NSUN4: variants seen among roughly 807,000 people sequenced by gnomAD.
The protein encoded by NSUN4 is 5-cytosine rRNA methyltransferase NSUN4.
A neutral mutation model predicts 43.8 loss-of-function variants in NSUN4; 31 were observed. The observed-to-expected ratio is 0.71, with a 90% CI of 0.53 to 0.96. The LOEUF (loss-of-function observed/expected upper bound fraction) is 0.96. NSUN4 is among the 40% of genes least tolerant of loss of function. NSUN4 has a pLI of 0.00. For missense variants in NSUN4, 439 were observed against 475.6 expected (o/e 0.92, Z 0.72); for synonymous variants, 167 against 184.1 (o/e 0.91, Z 0.75).
At chr1:46,352,807 C>T (rs7515598) in intron 3 of NSUN4, 61 bp from the exon 4 acceptor site, 392,786 of 1,534,442 alleles carry the variant, frequency 0.26, 54,458 homozygotes, top group Non-Finnish European at 0.29. Context: ...ACTCCATCAG[C>T]GCCATTGCTG....
At chr1:46,382,184 A>G in the NSUN4 span, among the ~76,000 whole-genome samples, 1 of 152,234 alleles carries the variant, frequency 6.6e-6, no homozygotes, top group Non-Finnish European at 1.5e-5. Flanking sequence ...TCAGAGACGT[A>G]AAAACAACCA....
At chr1:46,383,495 G>C in the NSUN4 span, among the ~76,000 whole-genome samples, 326 of 132,654 alleles carry the variant, frequency 2.5e-3, 7 homozygotes, top group East Asian at 0.061. Flanking sequence ...TCGCTCTGTC[G>C]CCCAGGCTGG....
At chr1:46,369,210 A>G (rs1445874145), downstream of NSUN4, among the ~76,000 whole-genome samples, 1 of 152,218 alleles carries the variant, frequency 6.6e-6, no homozygotes, top group African/African-American at 2.4e-5. Context: ...CAATGAATAT[A>G]GCACTTTCCA....
intron 1 of NSUN4, chr1:46,343,541 G>T (rs1355195263): frequency 2.5e-5 from 10 of 399,988 alleles, no homozygotes; most frequent in Non-Finnish European, 4.4e-5. Context: ...GCGAGAGCAG[G>T]AGTTCCCACC....
chr1:46,344,427 A>C, intron 1 of NSUN4: 1 of 218,280 alleles, frequency 4.6e-6, no homozygotes, highest in Non-Finnish European at 9.0e-6. Context: ...TGTTCAGAAG[A>C]AAAGGGCCTT....
intron 4 of NSUN4, among the ~76,000 whole-genome samples, chr1:46,359,475 G>T (rs1663645411): frequency 6.6e-6 from 1 of 150,786 alleles, no homozygotes; most frequent in Non-Finnish European, 1.5e-5. Context: ...CGCCTCCCAG[G>T]TTCAAGCAAT....
At chr1:46,343,819 C>T (rs75216726) in intron 1 of NSUN4, 37,685 of 400,196 alleles carry the variant, frequency 0.094, 2,124 homozygotes, top group Middle Eastern at 0.17. Context: ...AAGTCGGAAC[C>T]GGAGCAAGAG....
chr1:46,365,826 C>T (rs897836568), downstream of NSUN4, among the ~76,000 whole-genome samples: 2 of 152,248 alleles, frequency 1.3e-5, no homozygotes, highest in Non-Finnish European at 2.9e-5. Context: ...GGATTATCAA[C>T]GTTAAACTTT....
chr1:46,374,123 C>T, the NSUN4 span, among the ~76,000 whole-genome samples: 1 of 151,710 alleles, frequency 6.6e-6, no homozygotes, highest in Non-Finnish European at 1.5e-5. Context: ...CCCATCTCTA[C>T]TAAAAATACA....
Position 46,361,554 on chromosome 1 carries a change from C to G in NSUN4, c.879-16C>G, listed in dbSNP as rs765989451. ...GAAGCTCACTAGTAACTGCTTCTGT[C>G]TCTTTCTGGTTTCAGGGCTGGACTC... On this transcript the variant is annotated splice_polypyrimidine_tract_variant and intron_variant, in intron 5 of 5. Transcript: ENST00000474844. 1 of 1,610,962 alleles carries G rather than the reference C, an allele frequency of 6.2e-7. No individual in the cohort carries two copies. The highest frequency in any genetic ancestry group is 1.1e-5 in the South Asian group (1 of 90,830).
At chr1:46,371,339 T>C in the NSUN4 span, among the ~76,000 whole-genome samples, 1 of 147,588 alleles carries the variant, frequency 6.8e-6, no homozygotes, top group African/African-American at 2.5e-5. Context: ...GGAGTCTTGC[T>C]CTGTCGCCCA....
At chr1:46,361,300 G>A (rs764118269) in intron 5 of NSUN4, among the ~76,000 whole-genome samples, 7 of 152,150 alleles carry the variant, frequency 4.6e-5, no homozygotes, top group Non-Finnish European at 1.0e-4. Context: ...TCATTCTATA[G>A]CCAGCATAGC....
chr1:46,342,470 C>A, intron 1 of NSUN4: 1 of 399,184 alleles, frequency 2.5e-6, no homozygotes, highest in Non-Finnish European at 4.4e-6. Flanking sequence ...GCCTGTGCCC[C>A]GGGAGTACTG....
chr1:46,362,106 G>A lies in NSUN4; in HGVS notation c.*260G>A, dbSNP rs572374092. ...ACTAAAGTTTGCTGCCCGCTTAGGG[G>A]CTTAGAAGGAGAAGCCAGTGAGCAG... is the stretch of plus-strand genomic sequence containing the variant. On this transcript the variant is annotated 3_prime_UTR_variant, in exon 6 of 6. Transcript: ENST00000474844. 692 of 505,532 alleles carry A rather than the reference G, an allele frequency of 1.4e-3. 4 individuals are homozygous for A. Among genetic ancestry groups the A allele is most frequent in the African/African-American group, 4.7e-3 (243 of 52,128 alleles). The allele number at this position is 505,532 out of a possible 1,614,324, so 31.3% of individuals were successfully genotyped here. A position where few individuals can be genotyped will look rare whatever the true frequency, so the allele number is the denominator to read the frequency against.
At chr1:46,376,548 A>G in the NSUN4 span, among the ~76,000 whole-genome samples, 1 of 142,734 alleles carries the variant, frequency 7.0e-6, no homozygotes, top group Admixed American at 6.9e-5. Flanking sequence ...GCACATCCTT[A>G]GATAATAGAT....
In NSUN4 at chr1:46,344,942, A is replaced by C; in HGVS notation, c.235A>C (p.Asn79His). The change falls in exon 2 of 6, where the codon AAC (asparagine) becomes CAC (histidine). Residue 79 changes from asparagine (N) to histidine (H), a missense_variant. By Grantham distance (68) the Asn-to-His change is moderately conservative (BLOSUM62 1). Coordinates refer to ENST00000474844, the MANE Select transcript of NSUN4 (RefSeq NM_199044.4). The stretch of plus-strand genomic sequence containing the variant: ...GCAGAAGTATGGTGCACTGGTCAAT[A>C]ACTTTGCTGCCTGGGATCATGTAAG... ...SEQKYGALVN[N>H]FAAWDHVSAK... 6.2e-7 allele frequency: 1 copy of C among 1,614,168 alleles called. No individual in the cohort carries two copies. Among genetic ancestry groups the C allele is most frequent in the Non-Finnish European group, 8.5e-7 (1 of 1,180,030 alleles).
At chr1:46,353,052 A>T in intron 4 of NSUN4, 24 bp downstream of exon 4, 3 of 1,612,078 alleles carry the variant, frequency 1.9e-6, no homozygotes, top group Non-Finnish European at 2.5e-6. Flanking sequence ...GATTTAGGAC[A>T]TGCATCCAGC....
At chr1:46,346,848 G>A in intron 2 of NSUN4, 73 bp from the exon 3 acceptor site, 4 of 1,310,550 alleles carry the variant, frequency 3.1e-6, no homozygotes, top group Non-Finnish European at 3.2e-6. Flanking sequence ...AGAGGGCATA[G>A]ACTTGGTGGC....
At chr1:46,343,759 G>T (rs1041913922) in intron 1 of NSUN4, 20 of 400,600 alleles carry the variant, frequency 5.0e-5, no homozygotes, top group Non-Finnish European at 7.5e-5. Context: ...CAGGGTGAGA[G>T]TCCCCAAATT....
Sources: gnomAD v4.1 joint callset for allele counts (sites outside exome capture counted in the v4.1 genomes callset) on GRCh38, gnomAD v4.1.1 for gene constraint, MANE v1.5 for transcripts, NCBI Gene and HGNC (gene_info 2026-07-23, HGNC 2026-07-21) for gene names.